FAM53A: variants seen among roughly 807,000 people sequenced by gnomAD.
FAM53A encodes the protein protein FAM53A.
Under a neutral mutation model 26.6 loss-of-function variants are expected in FAM53A, and 28 were observed. That is an observed-to-expected ratio of 1.05 (90% CI 0.78 to 1.45). The LOEUF is 1.45. Among genes scored for constraint, FAM53A ranks in the 40% most tolerant of loss-of-function variants. The pLI is 0.00. For synonymous variants in FAM53A, 290 were observed against 253.1 expected, an observed-to-expected ratio of 1.15 and a Z score of -1.38; for missense variants, 650 against 575.8, an observed-to-expected ratio of 1.13 and a Z score of -1.32.
the FAM53A span, among the ~76,000 whole-genome samples, chr4:1,605,843 G>A: frequency 7.2e-5 from 11 of 152,082 alleles, no homozygotes; most frequent in East Asian, 1.9e-4. The surrounding 1 kb of genome is among the most constrained non-coding windows in gnomAD (Gnocchi z 5.7). Flanking sequence ...TCATGCTCCC[G>A]GCCCAGGCTT....
chr4:1,610,481 T>C, the FAM53A span, among the ~76,000 whole-genome samples: 2 of 152,002 alleles, frequency 1.3e-5, no homozygotes, highest in African/African-American at 4.8e-5. Context: ...TGACCGGGGA[T>C]CCCAGCAGGG....
chr4:1,663,130 C>T (rs942997520), intron 2 of FAM53A, among the ~76,000 whole-genome samples: 1 of 151,618 alleles, frequency 6.6e-6, no homozygotes, highest in African/African-American at 2.4e-5. Flanking sequence ...ACCTGGGAGG[C>T]AGAGTGAGCC....
At chr4:1,586,437 C>T in the FAM53A span, among the ~76,000 whole-genome samples, 2 of 151,984 alleles carry the variant, frequency 1.3e-5, no homozygotes, top group Non-Finnish European at 1.5e-5. Context: ...TCAGGTGGTC[C>T]ACCCCCCCAG....
chr4:1,603,327 G>A, the FAM53A span, among the ~76,000 whole-genome samples: 1 of 152,218 alleles, frequency 6.6e-6, no homozygotes, highest in East Asian at 1.9e-4. Context: ...GCCCACAAGA[G>A]ACAGGCCAGC....
chr4:1,602,055 G>A, the FAM53A span, among the ~76,000 whole-genome samples: 35 of 151,914 alleles, frequency 2.3e-4, no homozygotes, highest in Admixed American at 1.4e-3. Flanking sequence ...GAGATGGGAC[G>A]GTGGGTGTCA....
Position 1,659,669 on chromosome 4 carries a change from C to T in FAM53A, c.76-2201G>A, listed in dbSNP as rs1713683661. Among the ~76,000 whole-genome samples, 1 of 152,206 alleles carries T rather than the reference C, an allele frequency of 6.6e-6. No individual in the cohort carries two copies. The highest frequency in any genetic ancestry group is 2.4e-5 in the African/African-American group (1 of 41,458). On this transcript the variant is annotated intron_variant, in intron 2 of 4. Transcript: ENST00000308132. This position sits in a 1 kb window ranked among gnomAD's most constrained non-coding sequence, Gnocchi z 5.2. The stretch of plus-strand genomic sequence containing the variant: ...GCTGGGCAGCCAGGTCCCACAGGCT[C>T]AGGCAGGGGGCTTGTCAAAAACACT...
intron 1 of FAM53A, among the ~76,000 whole-genome samples, chr4:1,623,467 G>A (rs151143864): frequency 3.9e-5 from 6 of 152,178 alleles, no homozygotes; most frequent in Admixed American, 3.3e-4. Context: ...GCTCGCCAGC[G>A]CTTTCACCGG....
the FAM53A span, among the ~76,000 whole-genome samples, chr4:1,575,304 TG>T: frequency 6.6e-6 from 1 of 152,212 alleles, no homozygotes; most frequent in Non-Finnish European, 1.5e-5. Flanking sequence ...CAAGTCTCTC[TG>T]GCCCCCAACC....
At chr4:1,614,049 C>T (rs1311436056), downstream of FAM53A, among the ~76,000 whole-genome samples, 26 of 152,152 alleles carry the variant, frequency 1.7e-4, 1 homozygote, top group Admixed American at 1.7e-3. Context: ...TATGCTCACG[C>T]GACCAGCCTC....
Position 1,641,142 on chromosome 4 carries a change from G to A in FAM53A, c.*151C>T. On this transcript the variant is annotated 3_prime_UTR_variant, in exon 5 of 5. Transcript: ENST00000308132. Reference sequence around the variant, plus strand: ...CTGTGCCCCAGGGCAGGTGCCGGCGGCAGCCGTGGCCCCGACCAGCTCACA... The same window carrying A: ...CTGTGCCCCAGGGCAGGTGCCGGCGACAGCCGTGGCCCCGACCAGCTCACA... The A allele has an allele frequency of 6.6e-6, 4 of 603,294 alleles. No individual in the cohort carries two copies. In the Admixed American group the frequency reaches 9.5e-5, roughly 14 times the overall value. The allele number at this position is 603,294 out of a possible 1,614,324, so 37.4% of individuals were successfully genotyped here. A position where few individuals can be genotyped will look rare whatever the true frequency, so the allele number is the denominator to read the frequency against.
chr4:1,632,219 TAGGGTTAAATA>T (rs1244769005), intron 1 of FAM53A, among the ~76,000 whole-genome samples: 1 of 150,946 alleles, frequency 6.6e-6, no homozygotes, highest in Non-Finnish European at 1.5e-5. Context: ...AAGAGGTAGT[TAGGGTTAAATA>T]AGGTCACACG....
At chr4:1,678,198 T>C (rs924409088) in intron 1 of FAM53A, among the ~76,000 whole-genome samples, 2 of 151,928 alleles carry the variant, frequency 1.3e-5, no homozygotes, top group African/African-American at 4.8e-5. Flanking sequence ...CTACATAAAA[T>C]TTTAAAATTA....
chr4:1,642,665 C>G (rs1047680671), intron 4 of FAM53A, among the ~76,000 whole-genome samples: 1 of 151,866 alleles, frequency 6.6e-6, no homozygotes, highest in South Asian at 2.1e-4. Context: ...ACTCCCGGGC[C>G]CCCACCCCCC....
At chr4:1,607,467 C>T in the FAM53A span, among the ~76,000 whole-genome samples, 3 of 152,132 alleles carry the variant, frequency 2.0e-5, no homozygotes, top group Non-Finnish European at 2.9e-5. Context: ...GGCCTTCAAT[C>T]GTCAACTCAG....
chr4:1,607,501 C>G, the FAM53A span, among the ~76,000 whole-genome samples: 1 of 152,110 alleles, frequency 6.6e-6, no homozygotes, highest in Admixed American at 6.5e-5. Context: ...CCATCTCCAC[C>G]CCACCCATCC....
the FAM53A span, among the ~76,000 whole-genome samples, chr4:1,602,744 C>T: frequency 5.9e-5 from 9 of 152,272 alleles, no homozygotes; most frequent in East Asian, 5.8e-4. Context: ...GTGGCAAGTG[C>T]GGGTGTGACG....
intron 4 of FAM53A, among the ~76,000 whole-genome samples, chr4:1,650,439 TTGAC>T (rs1271456772): frequency 1.3e-5 from 2 of 150,948 alleles, no homozygotes; most frequent in Non-Finnish European, 3.0e-5. Context: ...GGTGTGGTGT[TTGAC>T]TGTGAGGTGG....
intron 1 of FAM53A, among the ~76,000 whole-genome samples, chr4:1,683,147 T>C (rs1715573932): frequency 6.6e-6 from 1 of 152,210 alleles, no homozygotes; most frequent in African/African-American, 2.4e-5. Context: ...CCACCTAGTT[T>C]TCCTGCGCTA....
the FAM53A span, among the ~76,000 whole-genome samples, chr4:1,592,920 G>A: frequency 6.6e-6 from 1 of 152,014 alleles, no homozygotes; most frequent in African/African-American, 2.4e-5. Flanking sequence ...GGTCCTGGCT[G>A]CGGGGCCCGG....
Sources: gnomAD v4.1 joint callset for allele counts (sites outside exome capture counted in the v4.1 genomes callset) on GRCh38, gnomAD v4.1.1 for gene constraint, Gnocchi (gnomAD v3.1) non-coding constraint, MANE v1.5 for transcripts, NCBI Gene and HGNC (gene_info 2026-07-23, HGNC 2026-07-21) for gene names.